UTRN: variants seen among roughly 807,000 people sequenced by gnomAD.
UTRN encodes the protein dystrophin-related protein 1.
Under a neutral mutation model 463.9 loss-of-function variants are expected in UTRN, and 283 were observed. That is an observed-to-expected ratio of 0.61 (90% CI 0.55 to 0.67). The LOEUF is 0.67. Ranked by LOEUF, UTRN falls within the 30% of genes least tolerant of loss-of-function variation. The probability of loss-of-function intolerance (pLI) is 0.00; values close to 1 mark genes in which losing one functional copy is unlikely to be tolerated. For missense variants in UTRN, 3,922 were observed against 4,084.3 expected (o/e 0.96, Z 1.08); for synonymous variants, 1,442 against 1,431.5 (o/e 1.01, Z -0.17).
chr6:144,779,280 C>T (rs118090885), intron 60 of UTRN, among the ~76,000 whole-genome samples: 1 of 152,164 alleles, frequency 6.6e-6, no homozygotes, highest in African/African-American at 2.4e-5. Flanking sequence ...AGTTCCCTAG[C>T]TACTGCCCTT....
chr6:144,384,438 G>A (rs1781232046), intron 2 of UTRN, among the ~76,000 whole-genome samples: 1 of 152,062 alleles, frequency 6.6e-6, no homozygotes, highest in African/African-American at 2.4e-5. Context: ...GATGATCTGT[G>A]GTGAAACAGT....
At chr6:144,734,827 C>T (rs930185900) in intron 54 of UTRN, among the ~76,000 whole-genome samples, 4 of 152,188 alleles carry the variant, frequency 2.6e-5, no homozygotes, top group Non-Finnish European at 5.9e-5. Flanking sequence ...TGTCATGTGA[C>T]TCAGAGAAGT....
At chr6:144,534,759 A>G (rs954078885) in intron 43 of UTRN, among the ~76,000 whole-genome samples, 3 of 152,216 alleles carry the variant, frequency 2.0e-5, no homozygotes, top group Non-Finnish European at 4.4e-5. Flanking sequence ...ACATCATTAA[A>G]AAGATAAAGT....
At chr6:144,743,038 A>G (rs1330467482) in intron 54 of UTRN, among the ~76,000 whole-genome samples, 1 of 152,206 alleles carries the variant, frequency 6.6e-6, no homozygotes, top group Non-Finnish European at 1.5e-5. Flanking sequence ...GAGAAGGAGG[A>G]AGAAAAATGA....
At chr6:144,441,400 C>T (rs145483689) in intron 13 of UTRN, among the ~76,000 whole-genome samples, 7 of 152,304 alleles carry the variant, frequency 4.6e-5, no homozygotes, top group South Asian at 2.1e-4. Flanking sequence ...GTATGGAATA[C>T]GGTGGGGTAG....
Position 144,378,085 on chromosome 6 carries a change from A to G in UTRN, c.80-25038A>G, listed in dbSNP as rs139585180. Among the ~76,000 whole-genome samples the G allele has an allele frequency of 2.0e-4, 30 of 152,310 alleles. No individual in the cohort carries two copies. In the East Asian group the frequency reaches 2.9e-3, roughly 15 times the overall value. ...TTCTTTTTAATGTTTCTAGAAGTCAATTTTCATCTTTGCCAAGAATTAAAG... is the reference window on the plus strand; with the variant it reads ...TTCTTTTTAATGTTTCTAGAAGTCAGTTTTCATCTTTGCCAAGAATTAAAG... On this transcript the variant is annotated intron_variant, in intron 2 of 74. Transcript: ENST00000367545.
chr6:144,298,927 T>G (rs1041440841), intron 2 of UTRN, among the ~76,000 whole-genome samples: 1 of 152,240 alleles, frequency 6.6e-6, no homozygotes, highest in Non-Finnish European at 1.5e-5. Flanking sequence ...TCTTAATTTT[T>G]GCAAATTTCT....
At chr6:144,653,293 A>G (rs1323379664) in intron 51 of UTRN, among the ~76,000 whole-genome samples, 11 of 152,156 alleles carry the variant, frequency 7.2e-5, no homozygotes, top group Non-Finnish European at 1.6e-4. Flanking sequence ...CTTAGAAATT[A>G]TCTCCCTCTT....
In UTRN at chr6:144,468,594, G is replaced by A. The variant is rs562504055; in HGVS notation, c.3067-5126G>A. Reference sequence around the variant, plus strand: ...AAGAACTGAAGTCCCTTAAAGAAATGTGTGTGTGTGTGTGTGTGTGTGCAT... The same window carrying A: ...AAGAACTGAAGTCCCTTAAAGAAATATGTGTGTGTGTGTGTGTGTGTGCAT... On this transcript the variant is annotated intron_variant, in intron 23 of 74. Transcript: ENST00000367545. Among the ~76,000 whole-genome samples, 12 of 144,160 alleles carry A rather than the reference G, an allele frequency of 8.3e-5. No homozygotes were observed. The South Asian group carries it at 1.5e-3, about 18-fold the overall frequency. The allele number at this position is 144,160 out of a possible 152,430, so 94.6% of individuals were successfully genotyped here. A position where few individuals can be genotyped will look rare whatever the true frequency, so the allele number is the denominator to read the frequency against.
intron 51 of UTRN, among the ~76,000 whole-genome samples, chr6:144,579,926 C>G (rs187689770): frequency 1.8e-3 from 270 of 152,236 alleles, no homozygotes; most frequent in African/African-American, 6.0e-3. Context: ...TTATTAAATG[C>G]TCTTAATTTT....
intron 50 of UTRN, among the ~76,000 whole-genome samples, chr6:144,563,473 C>A (rs1800113893): frequency 6.6e-6 from 1 of 152,148 alleles, no homozygotes; most frequent in East Asian, 1.9e-4. Flanking sequence ...CCAGGCTCAA[C>A]CTTCAAGCTC....
chr6:144,826,768 G>A (rs1222110779), intron 66 of UTRN, among the ~76,000 whole-genome samples: 1 of 152,050 alleles, frequency 6.6e-6, no homozygotes, highest in Non-Finnish European at 1.5e-5. Flanking sequence ...GACATTTTTG[G>A]TGGGATCTAG....
intron 74 of UTRN, among the ~76,000 whole-genome samples, chr6:144,850,578 C>T (rs562398582): frequency 1.3e-5 from 2 of 152,204 alleles, no homozygotes; most frequent in East Asian, 1.9e-4. Context: ...CCTTGCCTTC[C>T]TCTTCTCTGG....
chr6:144,662,101 T>C (rs547632813), intron 51 of UTRN, among the ~76,000 whole-genome samples: 14 of 152,310 alleles, frequency 9.2e-5, no homozygotes, highest in African/African-American at 3.1e-4. Context: ...TATATGTGTA[T>C]TTTTGTGTTA....
chr6:144,467,921 G>A (rs1243192033), intron 23 of UTRN, among the ~76,000 whole-genome samples: 1 of 151,978 alleles, frequency 6.6e-6, no homozygotes, highest in Non-Finnish European at 1.5e-5. Flanking sequence ...AAGTGAGAGA[G>A]CACATTTTCA....
At chr6:144,629,061 T>C (rs911876879) in intron 51 of UTRN, among the ~76,000 whole-genome samples, 2 of 152,218 alleles carry the variant, frequency 1.3e-5, no homozygotes, top group African/African-American at 4.8e-5. Context: ...TTTCTTTTAT[T>C]CTGAGCATGG....
chr6:144,676,490 G>T (rs1781602636), intron 51 of UTRN, among the ~76,000 whole-genome samples: 1 of 150,836 alleles, frequency 6.6e-6, no homozygotes. Context: ...GTTATTCTAT[G>T]CTTTTGGAAG....
intron 61 of UTRN, among the ~76,000 whole-genome samples, chr6:144,788,820 C>A (rs1776516839): frequency 6.6e-6 from 1 of 152,180 alleles, no homozygotes; most frequent in South Asian, 2.1e-4. Flanking sequence ...GCCTTGGCCT[C>A]CCAAAGTGCT....
chr6:144,350,468 A>G (rs566422601), intron 2 of UTRN, among the ~76,000 whole-genome samples: 1 of 152,318 alleles, frequency 6.6e-6, no homozygotes, highest in South Asian at 2.1e-4. Flanking sequence ...TCCCACTTAA[A>G]ACATTATTAA....
Sources: gnomAD v4.1 joint callset for allele counts (sites outside exome capture counted in the v4.1 genomes callset) on GRCh38, gnomAD v4.1.1 for gene constraint, MANE v1.5 for transcripts, NCBI Gene and HGNC (gene_info 2026-07-23, HGNC 2026-07-21) for gene names.